The following XXYLT1 variants were observed in gnomAD, a reference collection of about 807,000 sequenced individuals.
XXYLT1 encodes UDP-xylose:alpha-xyloside alpha-1,3-xylosyltransferase.
Under a neutral mutation model 28.9 loss-of-function variants are expected in XXYLT1, and 20 were observed. That is an observed-to-expected ratio of 0.69 (90% CI 0.49 to 1.00). XXYLT1 has a LOEUF of 1.00. Among genes scored for constraint, XXYLT1 ranks in the 50% least tolerant of loss-of-function variants. The pLI, the probability that XXYLT1 is intolerant of heterozygous loss-of-function variation, is 0.00. For synonymous variants in XXYLT1, 257 were observed against 253.8 expected (o/e 1.01, Z -0.12); for missense variants, 542 against 560.1 (o/e 0.97, Z 0.33).
intron 3 of XXYLT1, among the ~76,000 whole-genome samples, chr3:195,104,263 G>A (rs1422378149): frequency 6.6e-6 from 1 of 151,072 alleles, no homozygotes; most frequent in Non-Finnish European, 1.5e-5. Context: ...TGAGAGGGCA[G>A]ATGCCATGAG....
chr3:195,157,828 G>C (rs1026351317), intron 2 of XXYLT1, among the ~76,000 whole-genome samples: 2 of 152,184 alleles, frequency 1.3e-5, no homozygotes, highest in Admixed American at 6.5e-5. Flanking sequence ...ACACACGAGT[G>C]CAACTTCCAG....
At chr3:195,099,273 G>A (rs1013536894) in intron 3 of XXYLT1, among the ~76,000 whole-genome samples, 1 of 152,156 alleles carries the variant, frequency 6.6e-6, no homozygotes, top group African/African-American at 2.4e-5. Context: ...CCCTGGCGCA[G>A]GTGCGTGGAC....
chr3:195,085,868 G>A (rs143063902), intron 3 of XXYLT1: 8 of 152,280 alleles, frequency 5.3e-5, no homozygotes, highest in African/African-American at 1.7e-4. Flanking sequence ...CCCCCACCCC[G>A]AGGCTAGCCC....
intron 3 of XXYLT1, among the ~76,000 whole-genome samples, chr3:195,112,582 C>A (rs73206639): frequency 1.4e-5 from 2 of 146,044 alleles, no homozygotes; most frequent in Non-Finnish European, 3.0e-5. Flanking sequence ...CACACACGCA[C>A]GCACACACAC....
At chr3:195,071,496 G>A (rs984558406) in intron 3 of XXYLT1, among the ~76,000 whole-genome samples, 1 of 152,196 alleles carries the variant, frequency 6.6e-6, no homozygotes, top group Non-Finnish European at 1.5e-5. Flanking sequence ...ATCCTGGCGA[G>A]GGGGAAGCAT....
intron 2 of XXYLT1, among the ~76,000 whole-genome samples, chr3:195,157,242 C>CAAAAA (rs34312884): frequency 2.4e-4 from 18 of 73,810 alleles, no homozygotes; most frequent in African/African-American, 9.0e-4. Context: ...GGCGCCATCT[C>CAAAAA]AAAAAAAAAA....
At chr3:195,159,176 C>T (rs1024665411) in intron 2 of XXYLT1, among the ~76,000 whole-genome samples, 5 of 152,210 alleles carry the variant, frequency 3.3e-5, no homozygotes, top group Non-Finnish European at 7.3e-5. Flanking sequence ...ACAAGACTCA[C>T]AAGAATGGCC....
intron 1 of XXYLT1, among the ~76,000 whole-genome samples, chr3:195,261,160 C>T (rs1248357166): frequency 6.6e-6 from 1 of 152,256 alleles, no homozygotes; most frequent in Non-Finnish European, 1.5e-5. Flanking sequence ...AGGCCGGGCG[C>T]GGTGGCTCAC....
At chr3:195,236,995 C>G (rs190453231) in intron 1 of XXYLT1, among the ~76,000 whole-genome samples, 1 of 152,280 alleles carries the variant, frequency 6.6e-6, no homozygotes, top group Admixed American at 6.5e-5. Flanking sequence ...CTTTACTCTC[C>G]TCTCCTCTAA....
At chr3:195,097,134 TCTG>T (rs1035665168) in intron 3 of XXYLT1, among the ~76,000 whole-genome samples, 2 of 152,196 alleles carry the variant, frequency 1.3e-5, no homozygotes, top group African/African-American at 4.8e-5. Context: ...TCATTTTTAA[TCTG>T]CTGCTGGTGT....
chr3:195,139,770 G>A (rs1256815381), intron 3 of XXYLT1, among the ~76,000 whole-genome samples: 2 of 152,222 alleles, frequency 1.3e-5, no homozygotes, highest in Non-Finnish European at 1.5e-5. Context: ...AGGACACATA[G>A]GTGAGTTTCA....
At chr3:195,249,103 TATTCAC>T (rs930312339) in intron 1 of XXYLT1, among the ~76,000 whole-genome samples, 1 of 152,194 alleles carries the variant, frequency 6.6e-6, no homozygotes, top group African/African-American at 2.4e-5. Flanking sequence ...GTAGATGCCC[TATTCAC>T]ATCCATCGCC....
chr3:195,069,541 C>A lies in XXYLT1; in HGVS notation c.*174G>T. The A allele has an allele frequency of 1.1e-6, 1 of 901,082 alleles. No homozygotes were observed. Among genetic ancestry groups the A allele is most frequent in the Non-Finnish European group, 1.7e-6 (1 of 601,408 alleles). The allele number at this position is 901,082 out of a possible 1,614,324, so 55.8% of individuals were successfully genotyped here. A position where few individuals can be genotyped will look rare whatever the true frequency, so the allele number is the denominator to read the frequency against. Reference sequence around the variant, plus strand: ...AGCACCAGCAGTGCACAGGCCAGTCCTTGGCGGGTGGCCTCAGCACAGTGA... The same window carrying A: ...AGCACCAGCAGTGCACAGGCCAGTCATTGGCGGGTGGCCTCAGCACAGTGA... On this transcript the variant is annotated 3_prime_UTR_variant, in exon 4 of 4. Transcript: ENST00000310380.
intron 2 of XXYLT1, among the ~76,000 whole-genome samples, chr3:195,203,668 G>A (rs1177305960): frequency 6.6e-6 from 1 of 152,166 alleles, no homozygotes; most frequent in Non-Finnish European, 1.5e-5. Context: ...CTGTGTCAGT[G>A]TCTCTCCAGC....
At chr3:195,175,614 A>T in intron 2 of XXYLT1, 1 of 1,536,164 alleles carries the variant, frequency 6.5e-7, no homozygotes. Context: ...GTAGTAACAG[A>T]CATCGCTAGT....
At position 195,133,985 on chromosome 3, in the gene XXYLT1, G is replaced by A. The variant is rs187218796; in HGVS notation, c.785+22464C>T. ...CTGGCACTTTGGGAGGCTGAGGCAG[G>A]AGGGTCGCCTGAGCCCAGGAGTTTG... On this transcript the variant is annotated intron_variant, in intron 3 of 3. Coordinates refer to ENST00000310380, the MANE Select transcript of XXYLT1 (RefSeq NM_152531.5). This position sits in a 1 kb window ranked among gnomAD's most constrained non-coding sequence, Gnocchi z 4.4. Among the ~76,000 whole-genome samples the A allele has an allele frequency of 6.6e-6, 1 of 152,222 alleles. No individual in the cohort carries two copies. Among genetic ancestry groups the A allele is most frequent in the South Asian group, 2.1e-4 (1 of 4,830 alleles).
In XXYLT1 at chr3:195,255,656, G is replaced by A. The variant is rs1725451273; in HGVS notation, c.504+14899C>T. ...GCGTAGAACTGGCTTCCGAACACAAGGGAAGGCAGGCAGGGAGACCATGAG... is the reference window on the plus strand; with the variant it reads ...GCGTAGAACTGGCTTCCGAACACAAAGGAAGGCAGGCAGGGAGACCATGAG... On this transcript the variant is annotated intron_variant, in intron 1 of 3. Coordinates refer to ENST00000310380, the MANE Select transcript of XXYLT1 (RefSeq NM_152531.5). The surrounding 1 kb of genome is among the most constrained non-coding windows in gnomAD (Gnocchi z 4.5). Among the ~76,000 whole-genome samples, 1 of 152,214 alleles carries A rather than the reference G, an allele frequency of 6.6e-6. No homozygotes were observed. The highest frequency in any genetic ancestry group is 1.5e-5 in the Non-Finnish European group (1 of 68,038).
intron 3 of XXYLT1, among the ~76,000 whole-genome samples, chr3:195,111,415 G>A (rs1194743584): frequency 1.3e-5 from 2 of 152,150 alleles, no homozygotes; most frequent in Non-Finnish European, 2.9e-5. Context: ...CCATAGCAGA[G>A]AGGGGAGATG....
chr3:195,186,399 G>A (rs768632069), intron 2 of XXYLT1, among the ~76,000 whole-genome samples: 3 of 152,142 alleles, frequency 2.0e-5, no homozygotes, highest in South Asian at 2.1e-4. Context: ...CCAATCCCTC[G>A]CACAGCTTTC....
Sources: gnomAD v4.1 joint callset for allele counts (sites outside exome capture counted in the v4.1 genomes callset) on GRCh38, gnomAD v4.1.1 for gene constraint, Gnocchi (gnomAD v3.1) non-coding constraint, MANE v1.5 for transcripts, NCBI Gene and HGNC (gene_info 2026-07-23, HGNC 2026-07-21) for gene names.